DNAH8: variants seen among roughly 807,000 people sequenced by gnomAD.
DNAH8 encodes the protein axonemal beta dynein heavy chain 8.
Under a neutral mutation model 562.1 loss-of-function variants are expected in DNAH8, and 382 were observed. The ratio of observed to expected loss-of-function variants is 0.68; its 90% CI spans 0.63 to 0.74. The LOEUF (loss-of-function observed/expected upper bound fraction) is 0.74, where lower values mean the gene tolerates loss of function less well. DNAH8 is among the 30% of genes least tolerant of loss of function. The pLI, the probability that DNAH8 is intolerant of heterozygous loss-of-function variation, is 0.00. For missense variants in DNAH8, 5,203 were observed against 5,620.4 expected, an observed-to-expected ratio of 0.93 and a Z score of 2.37; for synonymous variants, 1,881 against 1,919.4, an observed-to-expected ratio of 0.98 and a Z score of 0.52.
chr6:38,932,989 C>G (rs1304672013), intron 76 of DNAH8: 1 of 152,262 alleles, frequency 6.6e-6, no homozygotes, highest in African/African-American at 2.4e-5. Flanking sequence ...TCTTGGTTTC[C>G]AACAAACCTG....
rs150171166 is a variant in DNAH8 at position 38,923,995 on chromosome 6, G to T, written c.10795G>T (p.Val3599Leu). Residue 3599 changes from valine (V) to leucine (L), a missense_variant, in exon 73 of 93, where the codon GTA becomes TTA. Around this residue, in one of 6 missense-constraint regions of DNAH8, gnomAD observed 1,399 missense variants for 1,518.4 expected, o/e 0.92. Transcript: ENST00000327475. ...GGCTGTGTGTTTTCTTCACAGACTT[G>T]TAGGTGATATTCTGCTGTGCACGGG... ...KEFKAQINRL[V>L]GDILLCTGFL... is the part of the protein sequence containing the mutation. 323 of 1,613,808 alleles carry T rather than the reference G, an allele frequency of 2.0e-4. 1 individual carries two copies. The highest frequency in any genetic ancestry group is 4.4e-5 in the Non-Finnish European group (52 of 1,179,876).
chr6:38,993,064 C>A (rs1305542623), intron 88 of DNAH8, among the ~76,000 whole-genome samples: 1 of 152,132 alleles, frequency 6.6e-6, no homozygotes, highest in Non-Finnish European at 1.5e-5. Context: ...AGCTAGGAAG[C>A]ATGTACTTTT....
chr6:38,986,406 A>G (rs1056452734), intron 87 of DNAH8, among the ~76,000 whole-genome samples: 1 of 152,234 alleles, frequency 6.6e-6, no homozygotes, highest in Non-Finnish European at 1.5e-5. Context: ...TACATGTTCT[A>G]GGACATATAT....
chr6:38,932,469 G>A (rs1447650917), intron 76 of DNAH8, among the ~76,000 whole-genome samples: 1 of 151,898 alleles, frequency 6.6e-6, no homozygotes, highest in Non-Finnish European at 1.5e-5. Flanking sequence ...GTCTAACTGA[G>A]GGTTCTAATA....
At chr6:38,957,626 G>A (rs1762329413) in intron 82 of DNAH8, among the ~76,000 whole-genome samples, 1 of 151,714 alleles carries the variant, frequency 6.6e-6, no homozygotes, top group South Asian at 2.1e-4. Flanking sequence ...AACCTACCAA[G>A]TATCTTTCTT....
rs1448605349 is a variant in DNAH8, at chr6:38,870,439, T to C, written c.6867T>C (p.Asn2289=). The change falls in exon 49 of 93, where the codon AAT becomes AAC. Residue 2289 remains asparagine, a synonymous_variant. Transcript: ENST00000327475. The part of the protein sequence containing the change: ...EDEPLFLSLI[N]DLFPGLQLDS... ...AACCCCTGTTCCTCAGCTTAATCAA[T>C]GACCTGTTCCCAGGACTGCAACTGG... The C allele has an allele frequency of 6.2e-6, 10 of 1,614,050 alleles. No individual in the cohort carries two copies. The highest frequency in any genetic ancestry group is 2.2e-5 in the East Asian group (1 of 44,866).
At chr6:38,790,668 C>T (rs1394671074) in intron 20 of DNAH8, among the ~76,000 whole-genome samples, 2 of 151,816 alleles carry the variant, frequency 1.3e-5, no homozygotes, top group Non-Finnish European at 2.9e-5. Context: ...ACTAAAAATA[C>T]AAAAATTAGC....
At chr6:38,741,349 A>C (rs1764501518) in intron 7 of DNAH8, among the ~76,000 whole-genome samples, 6 of 152,106 alleles carry the variant, frequency 3.9e-5, no homozygotes, top group Admixed American at 3.9e-4. Flanking sequence ...GCTGCAGTGC[A>C]CTGTGATTGT....
At chr6:38,739,045 T>G (rs1764326694) in intron 7 of DNAH8, among the ~76,000 whole-genome samples, 1 of 152,214 alleles carries the variant, frequency 6.6e-6, no homozygotes, top group South Asian at 2.1e-4. Context: ...TTCCTCTGTG[T>G]AGAATTGCTT....
chr6:38,792,022 G>A (rs1769797740), intron 21 of DNAH8, among the ~76,000 whole-genome samples: 1 of 152,004 alleles, frequency 6.6e-6, no homozygotes. Flanking sequence ...CAGAAACCTG[G>A]GAATCATCTA....
At chr6:38,907,168 G>A (rs939117429) in intron 63 of DNAH8, among the ~76,000 whole-genome samples, 1 of 152,222 alleles carries the variant, frequency 6.6e-6, no homozygotes, top group African/African-American at 2.4e-5. Flanking sequence ...GACTCATCTT[G>A]TGGAGTCATC....
At chr6:38,715,960 ATTTT>A (rs869120118) in intron 1 of DNAH8, among the ~76,000 whole-genome samples, 17 of 23,624 alleles carry the variant, frequency 7.2e-4, no homozygotes, top group East Asian at 2.0e-3. Flanking sequence ...ATATATATAT[ATTTT>A]TTTTTTTTTT....
At chr6:38,926,307 G>T in intron 74 of DNAH8, 97 bp downstream of exon 74, 1 of 1,354,932 alleles carries the variant, frequency 7.4e-7, no homozygotes, top group South Asian at 1.4e-5. Context: ...TCATCTCCAT[G>T]ACAAATGTTT....
At chr6:38,902,262 C>A (rs974347757) in intron 62 of DNAH8, among the ~76,000 whole-genome samples, 1 of 152,150 alleles carries the variant, frequency 6.6e-6, no homozygotes, top group Non-Finnish European at 1.5e-5. Context: ...TCAAACAGCT[C>A]CTCCAGGAGA....
At chr6:38,813,732 TGGTGATCTCA>T (rs1562875278) in intron 24 of DNAH8, among the ~76,000 whole-genome samples, 2 of 152,198 alleles carry the variant, frequency 1.3e-5, no homozygotes, top group Non-Finnish European at 2.9e-5. Flanking sequence ...AAGTATATGC[TGGTGATCTCA>T]TCTTGTATCT....
rs1767605361 is a variant in DNAH8, at chr6:39,030,541, T to C, written c.*149T>C. On this transcript the variant is annotated 3_prime_UTR_variant, in exon 93 of 93. Transcript: ENST00000327475. ...TTGATGTTCTAAAATTGCTAGTGCG[T>C]GTGTGTTTTCCTCACATATCAATAT... 1 of 641,808 alleles carries C rather than the reference T, an allele frequency of 1.6e-6. No homozygotes were observed. Among genetic ancestry groups the C allele is most frequent in the South Asian group, 2.1e-5 (1 of 47,362 alleles). 39.8% of individuals were successfully genotyped at this position (641,808 alleles called of 1,614,324 possible).
chr6:38,747,966 G>T (rs1234786237), intron 8 of DNAH8, among the ~76,000 whole-genome samples: 2 of 152,058 alleles, frequency 1.3e-5, no homozygotes, highest in East Asian at 1.9e-4. Context: ...TTATTCATTT[G>T]CTACCTTTGT....
intron 87 of DNAH8, 80 bp from the exon 88 acceptor site, chr6:38,989,932 G>A: frequency 1.4e-6 from 1 of 726,458 alleles, no homozygotes; most frequent in Non-Finnish European, 2.3e-6. Flanking sequence ...ATGGAAATAA[G>A]GTGGCCCCTC....
Position 38,931,875 on chromosome 6 carries a change from T to C in DNAH8, c.11339T>C (p.Leu3780Ser). 1 of 1,611,034 alleles carries C rather than the reference T, an allele frequency of 6.2e-7. No homozygotes were observed. The highest frequency in any genetic ancestry group is 8.5e-7 in the Non-Finnish European group (1 of 1,178,708). ...DTFKLYITTK[L>S]PNPAFTPEIN... ...TTTAAACTTTACATTACTACGAAGT[T>C]ACCAAATCCTGCCTTTACCCCAGAG... Residue 3780 changes from leucine (L) to serine (S), a missense_variant, in exon 76 of 93, where the codon TTA becomes TCA. By Grantham distance (145) the Leu-to-Ser change is moderately radical. Coordinates refer to ENST00000327475, the MANE Select transcript of DNAH8 (RefSeq NM_001206927.2).
Sources: gnomAD v4.1 joint callset for allele counts (sites outside exome capture counted in the v4.1 genomes callset) on GRCh38, gnomAD v4.1.1 for gene constraint, gnomAD v4.1.1 regional missense constraint, MANE v1.5 for transcripts, NCBI Gene and HGNC (gene_info 2026-07-23, HGNC 2026-07-21) for gene names.